The following PIK3C2G variants were observed in gnomAD, a reference collection of about 807,000 sequenced individuals.
PIK3C2G encodes phosphatidylinositol 3-kinase C2 domain-containing subunit gamma.
Under a neutral mutation model 181.1 loss-of-function variants are expected in PIK3C2G, and 168 were observed. The observed-to-expected ratio is 0.93, with a 90% CI of 0.82 to 1.05. The LOEUF (loss-of-function observed/expected upper bound fraction) is 1.05. Among genes scored for constraint, PIK3C2G ranks in the 50% least tolerant of loss-of-function variants. The probability of loss-of-function intolerance (pLI) is 0.00; values close to 1 mark genes in which losing one functional copy is unlikely to be tolerated. For synonymous variants in PIK3C2G, 573 were observed against 592.2 expected, an observed-to-expected ratio of 0.97 and a Z score of 0.47; for missense variants, 1,869 against 1,732.8, an observed-to-expected ratio of 1.08 and a Z score of -1.40.
chr12:18,561,795 A>C (rs747043351), intron 26 of PIK3C2G, among the ~76,000 whole-genome samples: 29 of 152,024 alleles, frequency 1.9e-4, no homozygotes, highest in African/African-American at 2.7e-4. Flanking sequence ...AAAAACACCA[A>C]AAACAAAGGA....
intron 32 of PIK3C2G, among the ~76,000 whole-genome samples, chr12:18,647,343 G>C (rs907285525): frequency 1.3e-5 from 2 of 151,510 alleles, no homozygotes; most frequent in African/African-American, 2.4e-5. Context: ...CTACCTATTG[G>C]GTGCTACGTT....
chr12:18,629,414 G>A (rs1169170360), intron 31 of PIK3C2G, among the ~76,000 whole-genome samples: 1 of 152,112 alleles, frequency 6.6e-6, no homozygotes, highest in Non-Finnish European at 1.5e-5. Context: ...GAGTTAAGGT[G>A]GAGAAACCCG....
the PIK3C2G span, among the ~76,000 whole-genome samples, chr12:18,722,700 G>T: frequency 2.6e-5 from 4 of 151,960 alleles, no homozygotes; most frequent in South Asian, 8.3e-4. Context: ...ATGGAACAAA[G>T]ATCACAAATT....
chr12:18,263,886 T>A (rs1948361810), intron 1 of PIK3C2G, among the ~76,000 whole-genome samples: 1 of 152,182 alleles, frequency 6.6e-6, no homozygotes. Flanking sequence ...TTCACATTTA[T>A]GTGTTTCTGA....
chr12:18,610,065 C>A (rs1948255049), intron 31 of PIK3C2G, among the ~76,000 whole-genome samples: 1 of 152,034 alleles, frequency 6.6e-6, no homozygotes, highest in African/African-American at 2.4e-5. Context: ...CCAAAGAAAA[C>A]TAAAAGTTCC....
intron 11 of PIK3C2G, among the ~76,000 whole-genome samples, chr12:18,353,036 CTTTGGGCCGCAGGTCCAAGCTTG>C (rs912917928): frequency 1.3e-5 from 2 of 152,172 alleles, no homozygotes; most frequent in Non-Finnish European, 2.9e-5. Context: ...CATGTTCTCA[CTTTGGGCCGCAGGTCCAAGCTTG>C]AGGGTTTTCA....
chr12:18,647,723 A>G (rs1950221791), intron 32 of PIK3C2G, among the ~76,000 whole-genome samples, 153 bp from the exon 33 acceptor site: 1 of 152,176 alleles, frequency 6.6e-6, no homozygotes, highest in Non-Finnish European at 1.5e-5. Context: ...GCTTTTCAGA[A>G]TAAAAGTTAG....
At chr12:18,275,010 A>G (rs1190135921) in intron 1 of PIK3C2G, among the ~76,000 whole-genome samples, 2 of 152,110 alleles carry the variant, frequency 1.3e-5, no homozygotes, top group Admixed American at 1.3e-4. Context: ...GATTGTCTGA[A>G]GCTTATTCTC....
chr12:18,243,194 CTGTGTG>C (rs71440357), upstream of PIK3C2G, among the ~76,000 whole-genome samples: 18,465 of 148,248 alleles, frequency 0.12, 1,335 homozygotes, highest in African/African-American at 0.19. Context: ...TAAAGTCTTT[CTGTGTG>C]TGTGTGTGTG....
intron 5 of PIK3C2G, among the ~76,000 whole-genome samples, chr12:18,303,342 T>C (rs1950289226): frequency 6.6e-6 from 1 of 151,186 alleles, no homozygotes; most frequent in South Asian, 2.1e-4. Context: ...TCTCTCTTTC[T>C]TTCTTTCTTT....
intron 15 of PIK3C2G, among the ~76,000 whole-genome samples, chr12:18,395,188 T>C (rs988092834): frequency 6.0e-5 from 9 of 150,126 alleles, no homozygotes; most frequent in African/African-American, 2.0e-4. Flanking sequence ...AGGTACCTTA[T>C]AGAGAAATTG....
chr12:18,264,217 C>A (rs1948377349), intron 1 of PIK3C2G, among the ~76,000 whole-genome samples: 1 of 152,090 alleles, frequency 6.6e-6, no homozygotes, highest in Non-Finnish European at 1.5e-5. Flanking sequence ...AGTTGGATTG[C>A]TCAACCCCAA....
At chr12:18,627,081 T>G (rs1949134757) in intron 31 of PIK3C2G, among the ~76,000 whole-genome samples, 1 of 151,926 alleles carries the variant, frequency 6.6e-6, no homozygotes, top group South Asian at 2.1e-4. Context: ...TTTTTCTTTT[T>G]GCTCCTCTGC....
chr12:18,589,859 C>A (rs1453395372), intron 29 of PIK3C2G, among the ~76,000 whole-genome samples: 3 of 151,918 alleles, frequency 2.0e-5, no homozygotes, highest in African/African-American at 7.2e-5. Context: ...TTCTTCTTTA[C>A]ATTGATAAAT....
At chr12:18,557,609 A>G (rs1945079075) in intron 26 of PIK3C2G, among the ~76,000 whole-genome samples, 1 of 152,160 alleles carries the variant, frequency 6.6e-6, no homozygotes, top group East Asian at 1.9e-4. Context: ...CACCACTTCC[A>G]TTTAATATTG....
intron 18 of PIK3C2G, among the ~76,000 whole-genome samples, chr12:18,482,538 T>G (rs558509506): frequency 6.6e-6 from 1 of 152,228 alleles, no homozygotes; most frequent in East Asian, 1.9e-4. Flanking sequence ...ATGAGTTTAT[T>G]TAAACCTTGA....
chr12:18,248,577 AACAACAACAAC>A (rs1379335997), intron 1 of PIK3C2G, among the ~76,000 whole-genome samples: 1 of 37,830 alleles, frequency 2.6e-5, no homozygotes, highest in Non-Finnish European at 6.4e-5. Context: ...TCTCAAACAA[AACAACAACAAC>A]AACAACAACA....
the PIK3C2G span, among the ~76,000 whole-genome samples, chr12:18,678,507 C>T: frequency 2.0e-5 from 3 of 152,076 alleles, no homozygotes; most frequent in African/African-American, 7.2e-5. Context: ...TAATCCATCC[C>T]TCTTTCCATC....
chr12:18,633,734 G>C (rs533961999), intron 31 of PIK3C2G, among the ~76,000 whole-genome samples: 4 of 152,088 alleles, frequency 2.6e-5, no homozygotes, highest in African/African-American at 9.7e-5. Context: ...TTTTTGCCTG[G>C]TGGTTCAGAG....
Sources: allele counts gnomAD v4.1 joint callset (sites outside exome capture counted in the v4.1 genomes callset), GRCh38; gene constraint gnomAD v4.1.1; transcripts MANE v1.5; gene names NCBI Gene and HGNC (gene_info 2026-07-23, HGNC 2026-07-21).